The following ATP8A1 variants were observed in gnomAD, a reference collection of about 807,000 sequenced individuals.
ATP8A1 encodes the protein phospholipid-transporting ATPase IA.
A neutral mutation model predicts 177.7 loss-of-function variants in ATP8A1; 90 were observed. That is an observed-to-expected ratio of 0.51 (90% CI 0.43 to 0.60). The LOEUF is 0.60. Among genes scored for constraint, ATP8A1 ranks in the 20% least tolerant of loss-of-function variants. The pLI, the probability that ATP8A1 is intolerant of heterozygous loss-of-function variation, is 0.00. For missense variants in ATP8A1, 1,072 were observed against 1,392.8 expected (o/e 0.77, Z 3.67); for synonymous variants, 493 against 485.9 (o/e 1.01, Z -0.19).
intron 33 of ATP8A1, among the ~76,000 whole-genome samples, chr4:42,431,261 T>G (rs1373241688): frequency 6.6e-6 from 1 of 152,212 alleles, no homozygotes; most frequent in Admixed American, 6.5e-5. Context: ...GCCTCTATTT[T>G]CAGTCAGACT....
chr4:42,539,686 G>A (rs1728195137), intron 20 of ATP8A1, among the ~76,000 whole-genome samples: 1 of 151,998 alleles, frequency 6.6e-6, no homozygotes, highest in Admixed American at 6.6e-5. Context: ...AACATACACT[G>A]GAGAAAGGTC....
At chr4:42,482,691 A>G (rs1466997669) in intron 25 of ATP8A1, among the ~76,000 whole-genome samples, 2 of 152,008 alleles carry the variant, frequency 1.3e-5, no homozygotes, top group African/African-American at 2.4e-5. Context: ...GTATGCTGAT[A>G]GTATCTGGGA....
At chr4:42,640,229 A>C (rs1739832525) in intron 1 of ATP8A1, among the ~76,000 whole-genome samples, 1 of 152,260 alleles carries the variant, frequency 6.6e-6, no homozygotes, top group Non-Finnish European at 1.5e-5. Flanking sequence ...ATTTTTGGGA[A>C]AGATCTGAAA....
Position 42,465,049 on chromosome 4 carries a change from A to T in ATP8A1, c.2352T>A (p.Val784=). ...CRVSPLQKSE[V]VEMVKKQVKV... Reference sequence around the variant, plus strand: ...TGACTTGTTTCTTAACCATCTCAACAACTTCAGATTTTTGAAGAGGAGAAA... The same window carrying T: ...TGACTTGTTTCTTAACCATCTCAACTACTTCAGATTTTTGAAGAGGAGAAA... The change falls in exon 26 of 37, where the codon GTT becomes GTA. Residue 784 remains valine, a synonymous_variant. Coordinates refer to ENST00000381668, the MANE Select transcript of ATP8A1 (RefSeq NM_006095.2). The T allele has an allele frequency of 6.2e-7, 1 of 1,613,528 alleles. No individual in the cohort carries two copies. Among genetic ancestry groups the T allele is most frequent in the Non-Finnish European group, 8.5e-7 (1 of 1,179,724 alleles).
chr4:42,471,135 T>A (rs1720356432), intron 25 of ATP8A1, among the ~76,000 whole-genome samples: 1 of 152,232 alleles, frequency 6.6e-6, no homozygotes, highest in Admixed American at 6.5e-5. Flanking sequence ...CATCAACTTG[T>A]TACTTGGAAT....
intron 20 of ATP8A1, among the ~76,000 whole-genome samples, chr4:42,536,308 C>A (rs1364258206): frequency 6.6e-6 from 1 of 152,126 alleles, no homozygotes; most frequent in African/African-American, 2.4e-5. Flanking sequence ...TACAAAAGAT[C>A]ATTCAAGGCT....
chr4:42,493,048 C>G (rs1288606468), intron 24 of ATP8A1, among the ~76,000 whole-genome samples: 2 of 152,210 alleles, frequency 1.3e-5, no homozygotes, highest in African/African-American at 4.8e-5. Flanking sequence ...GGTCAGCAGA[C>G]ACATGCGAAT....
At chr4:42,567,027 C>T (rs753584587) in intron 15 of ATP8A1, among the ~76,000 whole-genome samples, 12 of 152,164 alleles carry the variant, frequency 7.9e-5, no homozygotes, top group Non-Finnish European at 1.5e-4. Context: ...TACATTCTTC[C>T]AGATGAGGAC....
intron 33 of ATP8A1, among the ~76,000 whole-genome samples, chr4:42,426,489 G>T (rs563367151): frequency 1.3e-5 from 2 of 152,236 alleles, no homozygotes; most frequent in Non-Finnish European, 2.9e-5. Context: ...CCTGGAAGTG[G>T]TCCTGGCACG....
At chr4:42,507,798 A>AAAAAACAAAAC (rs1724588108) in intron 22 of ATP8A1, among the ~76,000 whole-genome samples, 2 of 124,654 alleles carry the variant, frequency 1.6e-5, no homozygotes, top group Non-Finnish European at 3.5e-5. Flanking sequence ...AAAAAAAAAA[A>AAAAAACAAAAC]AAAAAAAAAA....
At chr4:42,555,138 TAATCTATCTATCTATCTATC>T (rs1320925074) in intron 16 of ATP8A1, among the ~76,000 whole-genome samples, 34 of 76,810 alleles carry the variant, frequency 4.4e-4, no homozygotes, top group East Asian at 7.3e-4. Flanking sequence ...TCTATCTATC[TAATCTATCTATCTATCTATC>T]TATCTATCTA....
At chr4:42,494,486 A>C (rs936731211) in intron 24 of ATP8A1, among the ~76,000 whole-genome samples, 1 of 152,186 alleles carries the variant, frequency 6.6e-6, no homozygotes, top group African/African-American at 2.4e-5. Flanking sequence ...TGTGACTGGG[A>C]TAATTTTAAG....
At chr4:42,518,719 T>C (rs10517040) in intron 22 of ATP8A1, among the ~76,000 whole-genome samples, 12,098 of 152,220 alleles carry the variant, frequency 0.079, 647 homozygotes, top group African/African-American at 0.15. Flanking sequence ...TACGTAAAAA[T>C]AGATTCCAAT....
At chr4:42,414,458 G>C (rs938987442) in intron 36 of ATP8A1, among the ~76,000 whole-genome samples, 169 bp downstream of exon 36, 2 of 152,198 alleles carry the variant, frequency 1.3e-5, no homozygotes, top group African/African-American at 4.8e-5. Context: ...TGTTGAAAGT[G>C]AAATGGTTCT....
At chr4:42,578,468 T>G in intron 11 of ATP8A1, 81 bp from the exon 12 acceptor site, 1 of 1,483,688 alleles carries the variant, frequency 6.7e-7, no homozygotes, top group Non-Finnish European at 9.2e-7. Context: ...AATACAAGTT[T>G]TCCATACTAC....
intron 22 of ATP8A1, among the ~76,000 whole-genome samples, chr4:42,513,136 T>C (rs1407358199): frequency 6.6e-6 from 1 of 152,150 alleles, no homozygotes; most frequent in Non-Finnish European, 1.5e-5. Context: ...CCTGGCTCCA[T>C]CTTGTCTGAT....
At chr4:42,510,882 T>A (rs1724935262) in intron 22 of ATP8A1, among the ~76,000 whole-genome samples, 1 of 152,144 alleles carries the variant, frequency 6.6e-6, no homozygotes, top group Non-Finnish European at 1.5e-5. Context: ...CAGGCACAAA[T>A]AACATAAAGG....
At chr4:42,575,751 G>A in intron 12 of ATP8A1, 52 bp from the exon 13 acceptor site, 6 of 1,472,978 alleles carry the variant, frequency 4.1e-6, no homozygotes, top group Non-Finnish European at 5.7e-6. Flanking sequence ...AAGGAATTGG[G>A]TGAAACTTTA....
In ATP8A1 at chr4:42,549,059, C is replaced by G; in HGVS notation, c.1606G>C (p.Gly536Arg). The change falls in exon 19 of 37, where the codon GGG (glycine) becomes CGG (arginine). Residue 536 changes from glycine (G) to arginine (R), a missense_variant. Gly to Arg is a moderately radical substitution (Grantham distance 125). This residue lies in a region of ATP8A1 where 388 missense variants were observed against 471.7 expected (regional missense o/e 0.82). Transcript: ENST00000381668. ...TPDSVIIDSL[G>R]QEERYELLNV... is the part of the protein sequence containing the mutation. ...AGCAATTCATATCTTTCTTCCTGCC[C>G]CAGCTAAGAAGAAAAGGAATATATA... 1 of 1,609,968 alleles carries G rather than the reference C, an allele frequency of 6.2e-7. No individual in the cohort carries two copies. Among genetic ancestry groups the G allele is most frequent in the Non-Finnish European group, 8.5e-7 (1 of 1,177,212 alleles).
Sources: allele counts gnomAD v4.1 joint callset (sites outside exome capture counted in the v4.1 genomes callset), GRCh38; gene constraint gnomAD v4.1.1; regional missense constraint gnomAD v4.1.1; transcripts MANE v1.5; gene names NCBI Gene and HGNC (gene_info 2026-07-23, HGNC 2026-07-21).